HPSE2: variants seen among roughly 807,000 people sequenced by gnomAD.
HPSE2 encodes inactive heparanase-2.
Under a neutral mutation model 60.5 loss-of-function variants are expected in HPSE2, and 38 were observed. The observed-to-expected ratio is 0.63, with a 90% CI of 0.48 to 0.82. The LOEUF (loss-of-function observed/expected upper bound fraction) is 0.82. Among genes scored for constraint, HPSE2 ranks in the 40% least tolerant of loss-of-function variants. The pLI is 0.00. For synonymous variants in HPSE2, 295 were observed against 293.2 expected, an observed-to-expected ratio of 1.01 and a Z score of -0.06; for missense variants, 713 against 740.4, an observed-to-expected ratio of 0.96 and a Z score of 0.43.
chr10:98,906,862 C>T (rs1953833919), intron 3 of HPSE2, among the ~76,000 whole-genome samples: 1 of 151,536 alleles, frequency 6.6e-6, no homozygotes, highest in African/African-American at 2.4e-5. Context: ...CGAGATTGTG[C>T]CACTGCACTC....
intron 5 of HPSE2, among the ~76,000 whole-genome samples, chr10:98,697,029 A>G (rs1948242123): frequency 6.7e-6 from 1 of 149,352 alleles, no homozygotes; most frequent in South Asian, 2.2e-4. Flanking sequence ...AGACAAACTC[A>G]TGAAGATGAG....
intron 8 of HPSE2, among the ~76,000 whole-genome samples, chr10:98,618,045 C>A (rs536956850): frequency 2.6e-5 from 4 of 152,040 alleles, no homozygotes; most frequent in Non-Finnish European, 4.4e-5. Flanking sequence ...CTCCCCTACT[C>A]CCCCCCGCCA....
At chr10:99,277,399 T>G in the HPSE2 span, among the ~76,000 whole-genome samples, 2 of 152,372 alleles carry the variant, frequency 1.3e-5, no homozygotes, top group South Asian at 4.1e-4. Flanking sequence ...ATAAGGTTTT[T>G]GGCTCAGTTT....
At chr10:98,980,139 C>T (rs1956173641) in intron 3 of HPSE2, among the ~76,000 whole-genome samples, 1 of 152,160 alleles carries the variant, frequency 6.6e-6, no homozygotes, top group Admixed American at 6.5e-5. Flanking sequence ...CCGAACTTTG[C>T]TACCATCCAA....
At chr10:99,220,886 A>C (rs1849289973) in intron 2 of HPSE2, among the ~76,000 whole-genome samples, 3 of 122,846 alleles carry the variant, frequency 2.4e-5, no homozygotes, top group African/African-American at 6.3e-5. Context: ...ACGGAGTTTC[A>C]CTCTTGTTGC....
chr10:98,817,811 TAGAG>T (rs1333468342), intron 3 of HPSE2, among the ~76,000 whole-genome samples: 1 of 152,234 alleles, frequency 6.6e-6, no homozygotes, highest in African/African-American at 2.4e-5. Flanking sequence ...AAGCTGAACT[TAGAG>T]ATATAGCTAA....
chr10:98,778,296 G>GAGAGAGAGAGAGAGAC (rs1402420243), intron 3 of HPSE2, among the ~76,000 whole-genome samples: 1 of 151,106 alleles, frequency 6.6e-6, no homozygotes, highest in Non-Finnish European at 1.5e-5. Flanking sequence ...GAGAGAGAGA[G>GAGAGAGAGAGAGAGAC]AAAGCAAGAA....
intron 9 of HPSE2, among the ~76,000 whole-genome samples, chr10:98,519,237 T>C (rs953104921): frequency 3.9e-5 from 6 of 152,202 alleles, no homozygotes; most frequent in South Asian, 4.1e-4. Context: ...CTGTGATATA[T>C]TGGACAGATA....
intron 1 of HPSE2, 138 bp downstream of exon 1, chr10:99,235,375 G>T: frequency 1.2e-6 from 1 of 805,424 alleles, no homozygotes; most frequent in Non-Finnish European, 2.1e-6. Context: ...CAATCCAGGA[G>T]AAGGAAAACC....
chr10:98,547,059 C>T (rs1401688472), intron 9 of HPSE2, among the ~76,000 whole-genome samples: 6 of 143,678 alleles, frequency 4.2e-5, no homozygotes, highest in African/African-American at 1.6e-4. Flanking sequence ...AAAAAATGCT[C>T]ATCATCACTG....
chr10:98,889,307 C>T (rs1369101585), intron 3 of HPSE2, among the ~76,000 whole-genome samples: 3 of 151,932 alleles, frequency 2.0e-5, no homozygotes, highest in Non-Finnish European at 2.9e-5. Context: ...CTCAGCCTCC[C>T]GAGTAGCTGG....
intron 4 of HPSE2, among the ~76,000 whole-genome samples, chr10:98,740,265 T>C (rs908110599): frequency 1.3e-5 from 2 of 151,116 alleles, no homozygotes; most frequent in Non-Finnish European, 2.9e-5. Flanking sequence ...AGCCTCAACC[T>C]CCCAGGCTCA....
intron 6 of HPSE2, among the ~76,000 whole-genome samples, chr10:98,686,575 A>T (rs1354194288): frequency 6.6e-6 from 1 of 151,984 alleles, no homozygotes; most frequent in African/African-American, 2.4e-5. Context: ...CAAATTTTTT[A>T]AAATTCTCCT....
intron 9 of HPSE2, among the ~76,000 whole-genome samples, chr10:98,574,579 C>G (rs1417255301): frequency 6.6e-6 from 1 of 152,290 alleles, no homozygotes; most frequent in South Asian, 2.1e-4. Context: ...TCTGGAACCA[C>G]TCTGATCCCA....
rs192364484 is a variant in HPSE2, at chr10:98,746,945, A to C, written c.611-2889T>G. Among the ~76,000 whole-genome samples the C allele has an allele frequency of 3.5e-4, 54 of 152,210 alleles. 1 individual carries two copies. The East Asian group carries it at 0.01, about 29-fold the overall frequency. ...CTAAGGAAAATATAACTCTCTATTT[A>C]ACAGAACACTGGCAATATTGGATAA... On this transcript the variant is annotated intron_variant, in intron 3 of 11. Transcript: ENST00000370552.
chr10:98,709,111 TGATA>T (rs1220762356), intron 5 of HPSE2, among the ~76,000 whole-genome samples: 1 of 152,234 alleles, frequency 6.6e-6, no homozygotes, highest in Non-Finnish European at 1.5e-5. Flanking sequence ...AATCTAACAT[TGATA>T]GATTGTTCTG....
intron 2 of HPSE2, among the ~76,000 whole-genome samples, chr10:99,158,964 G>A (rs1846706046): frequency 6.6e-6 from 1 of 152,124 alleles, no homozygotes; most frequent in Admixed American, 6.5e-5. Context: ...AAGAGAGACT[G>A]TCAGATTGAG....
rs556363484 is a variant in HPSE2, at chr10:98,722,409, C to T, written c.785-581G>A. Among the ~76,000 whole-genome samples, 7 of 151,792 alleles carry T rather than the reference C, an allele frequency of 4.6e-5. No homozygotes were observed. The South Asian group carries it at 1.3e-3, about 27-fold the overall frequency. ...ATGGAATAGATTCTCTCTCAAAACT[C>T]CCAGAAGAAACCAATACTGTTGATG... is the stretch of plus-strand genomic sequence containing the variant. On this transcript the variant is annotated intron_variant, in intron 4 of 11. Transcript: ENST00000370552.
chr10:99,240,417 T>A (rs533442475), upstream of HPSE2, among the ~76,000 whole-genome samples: 5 of 150,196 alleles, frequency 3.3e-5, no homozygotes, highest in African/African-American at 1.2e-4. Flanking sequence ...TTCTTTTTTT[T>A]TTTTTTTTTT....
Sources: gnomAD v4.1 joint callset for allele counts (sites outside exome capture counted in the v4.1 genomes callset) on GRCh38, gnomAD v4.1.1 for gene constraint, MANE v1.5 for transcripts, NCBI Gene and HGNC (gene_info 2026-07-23, HGNC 2026-07-21) for gene names.